Variants in CTNNA2 observed in about 807,000 individuals in gnomAD.
CTNNA2 encodes catenin alpha-2.
Under a neutral mutation model 101.0 loss-of-function variants are expected in CTNNA2, and 42 were observed. That is an observed-to-expected ratio of 0.42 (90% CI 0.32 to 0.54). The LOEUF is 0.54. CTNNA2 is among the 20% of genes least tolerant of loss of function. CTNNA2 has a pLI of 0.14. For synonymous variants in CTNNA2, 450 were observed against 456.4 expected, an observed-to-expected ratio of 0.99 and a Z score of 0.18; for missense variants, 871 against 1,223.1, an observed-to-expected ratio of 0.71 and a Z score of 4.29.
chr2:79,261,300 C>A (rs1044756423), intron 2 of CTNNA2, among the ~76,000 whole-genome samples: 1 of 152,100 alleles, frequency 6.6e-6, no homozygotes, highest in African/African-American at 2.4e-5. Context: ...GGATAATACA[C>A]GTTGCACAAT....
At chr2:79,835,687 T>TGTTTGTTTGTTTGTTTG (rs1558565819) in intron 3 of CTNNA2, among the ~76,000 whole-genome samples, 7 of 134,858 alleles carry the variant, frequency 5.2e-5, no homozygotes, top group African/African-American at 2.0e-4. Flanking sequence ...TTTTTTTTTT[T>TGTTTGTTTGTTTGTTTG]TTTTTTTTTT....
intron 4 of CTNNA2, among the ~76,000 whole-genome samples, chr2:79,423,241 T>C (rs1009717846): frequency 3.3e-5 from 5 of 152,192 alleles, no homozygotes; most frequent in Admixed American, 1.3e-4. Context: ...CTCTGGTCAA[T>C]AGCACCAGAT....
intron 4 of CTNNA2, among the ~76,000 whole-genome samples, chr2:79,397,861 A>G (rs527882802): frequency 6.6e-6 from 1 of 152,060 alleles, no homozygotes; most frequent in African/African-American, 2.4e-5. Context: ...GTGTCTCATT[A>G]CGTTTCCCAG....
intron 9 of CTNNA2, among the ~76,000 whole-genome samples, chr2:80,497,325 G>C (rs1004803273): frequency 5.3e-5 from 8 of 152,174 alleles, no homozygotes; most frequent in African/African-American, 1.7e-4. Flanking sequence ...AGTGGCTAGT[G>C]CAAGGGAAAG....
chr2:79,810,759 T>C (rs1196575392), intron 3 of CTNNA2, among the ~76,000 whole-genome samples: 1 of 151,830 alleles, frequency 6.6e-6, no homozygotes, highest in Non-Finnish European at 1.5e-5. Context: ...TTCCCACCTA[T>C]GAGTGAGAAC....
intron 2 of CTNNA2, among the ~76,000 whole-genome samples, chr2:79,218,828 T>C (rs1674303615): frequency 6.6e-6 from 1 of 152,206 alleles, no homozygotes; most frequent in South Asian, 2.1e-4. Context: ...TGTGTAACTT[T>C]TTGCTAAAGT....
intron 4 of CTNNA2, among the ~76,000 whole-genome samples, chr2:79,438,191 C>G (rs207461940): frequency 6.6e-6 from 1 of 152,032 alleles, no homozygotes; most frequent in Non-Finnish European, 1.5e-5. Flanking sequence ...CTTGTGGGAC[C>G]CTGGCTGGCT....
chr2:79,531,190 ACG>A (rs2103932717), intron 1 of CTNNA2, among the ~76,000 whole-genome samples: 1 of 124,976 alleles, frequency 8.0e-6, no homozygotes, highest in East Asian at 2.6e-4. Context: ...GTAAATAGAT[ACG>A]CTCATATATA....
At chr2:79,406,292 C>G (rs1574417) in intron 4 of CTNNA2, among the ~76,000 whole-genome samples, 36,697 of 151,924 alleles carry the variant, frequency 0.24, 4,665 homozygotes, top group Middle Eastern at 0.38. Context: ...AAGCTATACC[C>G]AGAGCCAACT....
intron 7 of CTNNA2, among the ~76,000 whole-genome samples, chr2:80,189,175 A>T (rs1261189282): frequency 6.6e-6 from 1 of 152,018 alleles, no homozygotes; most frequent in Non-Finnish European, 1.5e-5. Flanking sequence ...GCTGGTCTCA[A>T]ACTCCTGGCC....
chr2:80,294,992 C>T (rs917455326), intron 7 of CTNNA2, among the ~76,000 whole-genome samples: 7 of 152,182 alleles, frequency 4.6e-5, no homozygotes, highest in Admixed American at 2.0e-4. Context: ...GCATAAAACA[C>T]AGATCTTGAA....
intron 7 of CTNNA2, among the ~76,000 whole-genome samples, chr2:79,991,697 A>G (rs931093067): frequency 1.3e-5 from 2 of 152,182 alleles, no homozygotes; most frequent in Admixed American, 6.5e-5. Flanking sequence ...AATCTAGAAT[A>G]AAGTTGCCCA....
intron 2 of CTNNA2, among the ~76,000 whole-genome samples, chr2:79,722,859 A>G (rs1686577474): frequency 6.6e-6 from 1 of 152,164 alleles, no homozygotes; most frequent in African/African-American, 2.4e-5. Context: ...GTTGTGACAG[A>G]TCATGATTAT....
intron 7 of CTNNA2, among the ~76,000 whole-genome samples, chr2:79,940,556 G>A (rs17018175): frequency 6.6e-6 from 1 of 152,184 alleles, no homozygotes. Context: ...AGCAGATGAA[G>A]GTTGCCATGA....
intron 7 of CTNNA2, among the ~76,000 whole-genome samples, chr2:79,987,900 T>C (rs1691877365): frequency 6.6e-6 from 1 of 152,230 alleles, no homozygotes; most frequent in Non-Finnish European, 1.5e-5. Flanking sequence ...ACAAATAATT[T>C]CTGCCTGCCT....
At chr2:79,270,258 C>T (rs1675049509) in intron 2 of CTNNA2, among the ~76,000 whole-genome samples, 2 of 152,056 alleles carry the variant, frequency 1.3e-5, no homozygotes, top group African/African-American at 2.4e-5. Flanking sequence ...AAAGAAGAAT[C>T]CCATGATTTA....
At chr2:80,273,709 A>G (rs940062075) in intron 7 of CTNNA2, among the ~76,000 whole-genome samples, 12 of 152,030 alleles carry the variant, frequency 7.9e-5, no homozygotes, top group African/African-American at 2.4e-4. Context: ...GAGCTTTGCA[A>G]TAGTCTCCTC....
At chr2:79,782,926 T>C (rs769328060) in intron 3 of CTNNA2, among the ~76,000 whole-genome samples, 1 of 152,070 alleles carries the variant, frequency 6.6e-6, no homozygotes, top group Non-Finnish European at 1.5e-5. Flanking sequence ...GTCATCTCTT[T>C]CATAAATTTA....
At chr2:80,496,577 T>G (rs908092778) in intron 9 of CTNNA2, among the ~76,000 whole-genome samples, 13 of 152,234 alleles carry the variant, frequency 8.5e-5, no homozygotes, top group Admixed American at 7.2e-4. Context: ...TTATTTGTTT[T>G]CTGGATAAAA....
Sources: allele counts gnomAD v4.1 joint callset (sites outside exome capture counted in the v4.1 genomes callset), GRCh38; gene constraint gnomAD v4.1.1; transcripts MANE v1.5; gene names NCBI Gene and HGNC (gene_info 2026-07-23, HGNC 2026-07-21).